ANKRD30B: variants seen among roughly 807,000 people sequenced by gnomAD.
The protein encoded by ANKRD30B is ankyrin repeat domain-containing protein 30B.
Under a neutral mutation model 202.2 loss-of-function variants are expected in ANKRD30B, and 144 were observed. That is an observed-to-expected ratio of 0.71 (90% confidence interval 0.62 to 0.82). The LOEUF (loss-of-function observed/expected upper bound fraction) is 0.82, where lower values mean the gene tolerates loss of function less well. Ranked by LOEUF, ANKRD30B falls within the 40% of genes least tolerant of loss-of-function variation. The pLI, the probability that ANKRD30B is intolerant of heterozygous loss-of-function variation, is 0.00. For synonymous variants in ANKRD30B, 508 were observed against 561.3 expected, an observed-to-expected ratio of 0.91 and a Z score of 1.34; for missense variants, 1,487 against 1,669.1, an observed-to-expected ratio of 0.89 and a Z score of 1.90.
intron 9 of ANKRD30B, among the ~76,000 whole-genome samples, chr18:14,772,462 G>C (rs1967066133): frequency 2.0e-5 from 3 of 151,810 alleles, no homozygotes; most frequent in South Asian, 4.1e-4. Flanking sequence ...AAATGGAATG[G>C]GCTGGAGAAT....
chr18:14,778,648 G>T (rs1424385472), intron 10 of ANKRD30B, among the ~76,000 whole-genome samples: 1 of 152,192 alleles, frequency 6.6e-6, no homozygotes, highest in Non-Finnish European at 1.5e-5. Context: ...TATACACTCG[G>T]TATTGACCAG....
the ANKRD30B span, among the ~76,000 whole-genome samples, chr18:14,872,712 A>G: frequency 2.0e-5 from 3 of 152,120 alleles, no homozygotes; most frequent in African/African-American, 7.2e-5. Flanking sequence ...TGCTCCCCAC[A>G]CATGGAATCT....
chr18:14,759,869 A>G (rs1210812532), intron 5 of ANKRD30B, among the ~76,000 whole-genome samples: 4 of 152,250 alleles, frequency 2.6e-5, no homozygotes, highest in African/African-American at 9.6e-5. Context: ...GCAACATTTC[A>G]ACATTACAAC....
chr18:14,754,764 A>G (rs1430947699), intron 3 of ANKRD30B, 135 bp from the exon 4 acceptor site: 6 of 549,380 alleles, frequency 1.1e-5, no homozygotes, highest in Non-Finnish European at 1.8e-5. Flanking sequence ...AAAAGGAGAA[A>G]GAAGGGACTG....
chr18:14,791,776 T>C (rs1968530102), intron 16 of ANKRD30B, among the ~76,000 whole-genome samples: 1 of 151,888 alleles, frequency 6.6e-6, no homozygotes, highest in Non-Finnish European at 1.5e-5. Flanking sequence ...GAAATGAAGA[T>C]CGAGAAAGAC....
In ANKRD30B at chr18:14,757,895, C is replaced by T. The variant is rs1379799249; in HGVS notation, c.698C>T (p.Ala233Val). ...CTTCAGCAAAATGTTGACGTCTTTG[C>T]TGAAGACATACATGGAATAACTGCA... ...MLLQQNVDVF[A>V]EDIHGITAER... is the part of the protein sequence containing the mutation. Residue 233 changes from alanine to valine, a missense_variant, in exon 5 of 44, where the codon GCT (alanine) becomes GTT (valine). Physicochemically the swap from Ala to Val is moderately conservative, Grantham distance 64. Transcript: ENST00000690538. 3 of 1,612,368 alleles carry T rather than the reference C, an allele frequency of 1.9e-6. No individual in the cohort carries two copies. The highest frequency in any genetic ancestry group is 2.2e-5 in the East Asian group (1 of 44,808).
chr18:14,789,315 G>A (rs1327526285), intron 15 of ANKRD30B, among the ~76,000 whole-genome samples: 31 of 152,152 alleles, frequency 2.0e-4, no homozygotes, highest in African/African-American at 7.2e-5. Flanking sequence ...AGTAGGTTGC[G>A]AAAATGTTCT....
At chr18:14,799,457 T>G (rs1330077837) in intron 22 of ANKRD30B, among the ~76,000 whole-genome samples, 162 bp downstream of exon 22, 1 of 152,150 alleles carries the variant, frequency 6.6e-6, no homozygotes, top group Non-Finnish European at 1.5e-5. Context: ...AAAATGCCAT[T>G]TACAAGCATA....
At chr18:14,817,555 C>T (rs1347345560) in intron 30 of ANKRD30B, among the ~76,000 whole-genome samples, 1 of 152,084 alleles carries the variant, frequency 6.6e-6, no homozygotes, top group African/African-American at 2.4e-5. Flanking sequence ...TTCATCTCTG[C>T]ATGTTTTGCT....
At chr18:14,820,728 G>A (rs1970371242) in intron 30 of ANKRD30B, among the ~76,000 whole-genome samples, 2 of 151,954 alleles carry the variant, frequency 1.3e-5, no homozygotes, top group Non-Finnish European at 2.9e-5. Flanking sequence ...TGATCATGGT[G>A]GATAAGCTTT....
At position 14,748,444 on chromosome 18, in the gene ANKRD30B, G is replaced by C. The variant is rs1444859620; in HGVS notation, c.25G>C (p.Gly9Arg). 2 of 1,523,338 alleles carry C rather than the reference G, an allele frequency of 1.3e-6. No individual in the cohort carries two copies. 94.4% of individuals were successfully genotyped at this position (1,523,338 alleles called of 1,614,324 possible). Residue 9 changes from glycine (G) to arginine (R), a missense_variant, in exon 1 of 44, where the codon GGC becomes CGC. Gly to Arg is a moderately radical substitution (Grantham distance 125). Coordinates refer to ENST00000690538, the MANE Select transcript of ANKRD30B (RefSeq NM_001367607.2). MKRLLAAAGKGVRGPEPPN... is the reference protein window; with the variant it reads MKRLLAAARKGVRGPEPPN... ...CATGAAGAGGCTCTTAGCTGCCGCT[G>C]GCAAGGGCGTGCGGGGCCCGGAGCC...
rs1253310026 is a variant in ANKRD30B, at chr18:14,804,701, A to G, written c.2284+877A>G. Among the ~76,000 whole-genome samples, 5 of 150,722 alleles carry G rather than the reference A, an allele frequency of 3.3e-5. 1 individual carries two copies. Among genetic ancestry groups the G allele is most frequent in the African/African-American group, 1.2e-4 (5 of 40,688 alleles). On this transcript the variant is annotated intron_variant, in intron 24 of 43. Coordinates refer to ENST00000690538, the MANE Select transcript of ANKRD30B (RefSeq NM_001367607.2). ...CCTATTTTTGAGTATGTTTTTAGTTAGGGGAGAAGAAGAAAGGGGCAATGG... is the reference window on the plus strand; with the variant it reads ...CCTATTTTTGAGTATGTTTTTAGTTGGGGGAGAAGAAGAAAGGGGCAATGG...
intron 1 of ANKRD30B, among the ~76,000 whole-genome samples, chr18:14,751,384 C>T (rs760013841): frequency 8.6e-5 from 13 of 152,024 alleles, no homozygotes; most frequent in African/African-American, 2.9e-4. Context: ...ACTCTCAAGA[C>T]CTTTTCATCC....
At chr18:14,925,221 C>G in the ANKRD30B span, among the ~76,000 whole-genome samples, 1 of 152,106 alleles carries the variant, frequency 6.6e-6, no homozygotes, top group East Asian at 1.9e-4. Context: ...GAGAGGACAG[C>G]TGTGTCAGGA....
chr18:14,767,686 T>TG (rs1177300143), intron 7 of ANKRD30B, among the ~76,000 whole-genome samples: 3 of 144,184 alleles, frequency 2.1e-5, no homozygotes, highest in Non-Finnish European at 4.5e-5. Flanking sequence ...TGTTGATGGT[T>TG]GGGACTCAGA....
the ANKRD30B span, among the ~76,000 whole-genome samples, chr18:14,867,535 C>A: frequency 1.3e-5 from 2 of 152,140 alleles, no homozygotes; most frequent in South Asian, 4.1e-4. Context: ...TTCGCACCCA[C>A]CATGGTTACC....
At chr18:14,794,867 C>T (rs1013504353) in intron 16 of ANKRD30B, among the ~76,000 whole-genome samples, 3 of 152,022 alleles carry the variant, frequency 2.0e-5, no homozygotes, top group African/African-American at 7.2e-5. Flanking sequence ...GTGTGTCTTA[C>T]TGAAAAATAA....
At chr18:14,886,851 G>C in the ANKRD30B span, among the ~76,000 whole-genome samples, 2 of 152,070 alleles carry the variant, frequency 1.3e-5, no homozygotes, top group Non-Finnish European at 2.9e-5. Context: ...CAAAGTCCTT[G>C]AATCAGGTGA....
chr18:14,765,976 G>T (rs2143754037), intron 7 of ANKRD30B, among the ~76,000 whole-genome samples: 1 of 152,218 alleles, frequency 6.6e-6, no homozygotes, highest in Non-Finnish European at 1.5e-5. Context: ...CAGTTAAGGG[G>T]CCATGTCTAA....
Sources: allele counts gnomAD v4.1 joint callset (sites outside exome capture counted in the v4.1 genomes callset), GRCh38; gene constraint gnomAD v4.1.1; transcripts MANE v1.5; gene names NCBI Gene and HGNC (gene_info 2026-07-23, HGNC 2026-07-21).